Variants in TNS3 observed in about 807,000 individuals in gnomAD.
TNS3 encodes tensin 3, also known as tensin-3.
In TNS3, 45 loss-of-function variants were observed where a neutral mutation model predicts 140.9. That is an observed-to-expected ratio of 0.32 (90% confidence interval 0.25 to 0.41). TNS3 has a LOEUF of 0.41. Ranked by LOEUF, TNS3 falls within the 10% of genes least tolerant of loss-of-function variation. The probability of loss-of-function intolerance (pLI) is 1.00; values close to 1 mark genes in which losing one functional copy is unlikely to be tolerated. For synonymous variants in TNS3, 815 were observed against 788.4 expected (o/e 1.03, Z -0.56); for missense variants, 1,716 against 1,906.7 (o/e 0.90, Z 1.86).
Position 47,439,578 on chromosome 7 carries a change from G to A in TNS3, c.59C>T (p.Ser20Phe), listed in dbSNP as rs1357510903. 2 of 1,614,010 alleles carry A rather than the reference G, an allele frequency of 1.2e-6. No homozygotes were observed. The highest frequency in any genetic ancestry group is 2.7e-5 in the African/African-American group (2 of 74,930). ...TYITERIIAV[S>F]FPAGCSEESY... ...CTCCTCAGAGCAGCCGGCAGGGAAG[G>A]ACACAGCGATGATGCGCTCCGTGAT... Residue 20 changes from serine (S) to phenylalanine (F), a missense_variant, in exon 6 of 31, where the codon TCC becomes TTC. Ser to Phe is a radical substitution (Grantham distance 155, BLOSUM62 -2). Transcript: ENST00000311160.
At chr7:47,554,942 C>T (rs561009035) in intron 1 of TNS3, among the ~76,000 whole-genome samples, 67 of 151,262 alleles carry the variant, frequency 4.4e-4, no homozygotes, top group African/African-American at 1.5e-3. Context: ...GCAGGAGGAT[C>T]GCTTGAACCC....
intron 20 of TNS3, among the ~76,000 whole-genome samples, chr7:47,307,623 C>T (rs4720592): frequency 0.4 from 61,020 of 152,060 alleles, 12,320 homozygotes; most frequent in South Asian, 0.47. Flanking sequence ...GTTGGCATTT[C>T]GAATTTTAGC....
At position 47,396,917 on chromosome 7, in the gene TNS3, C is replaced by A; in HGVS notation, c.920-13G>T. On this transcript the variant is annotated splice_polypyrimidine_tract_variant and intron_variant, in intron 15 of 30. Transcript: ENST00000311160. The stretch of plus-strand genomic sequence containing the variant: ...AAGTGTTCGGACCCTGCACAGAGCA[C>A]AGGCAGCAACATTAGTCCCAGTGAA... The A allele has an allele frequency of 6.3e-7, 1 of 1,599,476 alleles. No individual in the cohort carries two copies. Among genetic ancestry groups the A allele is most frequent in the Non-Finnish European group, 8.6e-7 (1 of 1,166,554 alleles).
At chr7:47,305,429 A>G (rs893623541) in intron 20 of TNS3, among the ~76,000 whole-genome samples, 13 of 152,358 alleles carry the variant, frequency 8.5e-5, no homozygotes, top group African/African-American at 3.1e-4. Flanking sequence ...TCTGCAAACC[A>G]GCAGGCGACT....
rs556791271 is a variant in TNS3 at position 47,439,535 on chromosome 7, T to C, written c.102A>G (p.Leu34=). The change falls in exon 6 of 31, where the codon CTA becomes CTG. Residue 34 remains leucine (L), a synonymous_variant. Coordinates refer to ENST00000311160, the MANE Select transcript of TNS3 (RefSeq NM_022748.12). ...GCSEESYLHN[L]QEVTRMLKSK... is the part of the protein sequence containing the mutation. ...ACTTGAGCATGCGCGTGACCTCCTG[T>C]AGGTTGTGCAGGTAGGACTCCTCAG... 1.9e-6 allele frequency: 3 copies of C among 1,613,878 alleles called. No homozygotes were observed. Among genetic ancestry groups the C allele is most frequent in the South Asian group, 1.1e-5 (1 of 91,032 alleles).
intron 20 of TNS3, among the ~76,000 whole-genome samples, chr7:47,342,841 T>C (rs1285236061): frequency 6.6e-6 from 1 of 152,200 alleles, no homozygotes; most frequent in East Asian, 1.9e-4. Context: ...TGGAGGAGTC[T>C]CACAACTCCA....
chr7:47,523,095 CA>C (rs1799049347), intron 2 of TNS3, among the ~76,000 whole-genome samples: 1 of 152,120 alleles, frequency 6.6e-6, no homozygotes, highest in South Asian at 2.1e-4. Context: ...AGTCCAAGGT[CA>C]AGGCACCACA....
At chr7:47,308,632 T>A (rs1008907946) in intron 20 of TNS3, among the ~76,000 whole-genome samples, 1 of 152,226 alleles carries the variant, frequency 6.6e-6, no homozygotes, top group African/African-American at 2.4e-5. Context: ...AACATTTTTA[T>A]CTTTTTGGGT....
At chr7:47,385,394 A>G (rs1249865544) in intron 16 of TNS3, among the ~76,000 whole-genome samples, 1 of 152,192 alleles carries the variant, frequency 6.6e-6, no homozygotes, top group Non-Finnish European at 1.5e-5. Flanking sequence ...TCTGACAACA[A>G]CAACCATTAG....
intron 4 of TNS3, among the ~76,000 whole-genome samples, chr7:47,451,921 T>C (rs1379145890): frequency 6.6e-6 from 1 of 152,234 alleles, no homozygotes; most frequent in Non-Finnish European, 1.5e-5. Flanking sequence ...GTAATACTAA[T>C]GCCTGGGTAG....
chr7:47,524,352 T>C (rs1799099589), intron 2 of TNS3, among the ~76,000 whole-genome samples: 1 of 152,224 alleles, frequency 6.6e-6, no homozygotes, highest in Admixed American at 6.5e-5. Context: ...AGCCAGAACT[T>C]GACCCCACAT....
intron 4 of TNS3, among the ~76,000 whole-genome samples, chr7:47,467,391 G>T (rs564200172): frequency 6.6e-6 from 1 of 152,318 alleles, no homozygotes; most frequent in Admixed American, 6.5e-5. Flanking sequence ...ATATGACAAG[G>T]TTTCCGGCAG....
At chr7:47,412,931 T>C (rs1396193673) in intron 12 of TNS3, among the ~76,000 whole-genome samples, 7 of 152,176 alleles carry the variant, frequency 4.6e-5, no homozygotes, top group Non-Finnish European at 1.0e-4. Flanking sequence ...TATATGAAAA[T>C]ACAATGCCAG....
chr7:47,497,834 C>T (rs1215220495), intron 3 of TNS3, among the ~76,000 whole-genome samples: 1 of 152,178 alleles, frequency 6.6e-6, no homozygotes, highest in Non-Finnish European at 1.5e-5. Flanking sequence ...GGACCGGGCT[C>T]CCCACCCTGG....
At chr7:47,345,536 A>C (rs1255656238) in intron 18 of TNS3, among the ~76,000 whole-genome samples, 2 of 152,176 alleles carry the variant, frequency 1.3e-5, no homozygotes, top group Non-Finnish European at 2.9e-5. Context: ...TTTCTTGTGA[A>C]TTCTGTAGCT....
At chr7:47,410,325 C>A (rs1006319235) in intron 13 of TNS3, among the ~76,000 whole-genome samples, 1 of 152,224 alleles carries the variant, frequency 6.6e-6, no homozygotes, top group Non-Finnish European at 1.5e-5. Context: ...CCTATAAAAA[C>A]GTATGACGCA....
At chr7:47,521,872 A>G (rs1241490161) in intron 2 of TNS3, among the ~76,000 whole-genome samples, 3 of 152,060 alleles carry the variant, frequency 2.0e-5, no homozygotes, top group African/African-American at 7.2e-5. Context: ...CTGAGTACAA[A>G]CAGGAGAGGA....
intron 13 of TNS3, among the ~76,000 whole-genome samples, chr7:47,409,097 A>C (rs1242283741): frequency 6.6e-6 from 1 of 152,058 alleles, no homozygotes; most frequent in Non-Finnish European, 1.5e-5. Context: ...ACAGAAAATA[A>C]TGAGGAGGAA....
chr7:47,446,688 C>CTTT (rs144042398), intron 4 of TNS3, among the ~76,000 whole-genome samples: 1,184 of 96,390 alleles, frequency 0.012, 104 homozygotes, highest in Non-Finnish European at 0.018. Context: ...TCCAGGCTGC[C>CTTT]TTTTTTTTTT....
Sources: allele counts gnomAD v4.1 joint callset (sites outside exome capture counted in the v4.1 genomes callset), GRCh38; gene constraint gnomAD v4.1.1; transcripts MANE v1.5; gene names NCBI Gene and HGNC (gene_info 2026-07-23, HGNC 2026-07-21).